Variants in GDAP1 observed in about 807,000 individuals in gnomAD.
GDAP1 encodes the protein ganglioside-induced differentiation-associated protein 1.
Under a neutral mutation model 40.1 loss-of-function variants are expected in GDAP1, and 34 were observed. That is an observed-to-expected ratio of 0.85 (90% CI 0.64 to 1.13). The LOEUF (loss-of-function observed/expected upper bound fraction) is 1.13, where lower values mean the gene tolerates loss of function less well. GDAP1 is among the 50% of genes most tolerant of loss of function. The pLI is 0.00. For synonymous variants in GDAP1, 170 were observed against 157.4 expected (o/e 1.08, Z -0.60); for missense variants, 374 against 433.7 (o/e 0.86, Z 1.22).
At chr8:74,461,038 G>A (rs1211460640) in intron 2 of GDAP1, among the ~76,000 whole-genome samples, 1 of 152,274 alleles carries the variant, frequency 6.6e-6, no homozygotes, top group East Asian at 1.9e-4. Context: ...TCTTCTGCCA[G>A]CACTTGGATG....
chr8:74,454,816 A>C (rs1806316226), intron 2 of GDAP1, among the ~76,000 whole-genome samples: 1 of 151,268 alleles, frequency 6.6e-6, no homozygotes, highest in Admixed American at 6.6e-5. Flanking sequence ...ACTTAGATCA[A>C]ATTAAATTCT....
intron 2 of GDAP1, among the ~76,000 whole-genome samples, chr8:74,413,648 C>G (rs1805742672): frequency 6.7e-6 from 1 of 149,176 alleles, no homozygotes; most frequent in Non-Finnish European, 1.5e-5. Context: ...GCCTAAATCT[C>G]TGAGGGAGGC....
intron 2 of GDAP1, among the ~76,000 whole-genome samples, chr8:74,439,456 A>C (rs146012685): frequency 6.6e-6 from 1 of 152,074 alleles, no homozygotes; most frequent in Non-Finnish European, 1.5e-5. Context: ...ACTCTGTTCC[A>C]TTAGTTCATT....
intron 2 of GDAP1, among the ~76,000 whole-genome samples, chr8:74,392,383 CAAAG>C (rs943883005): frequency 2.6e-5 from 4 of 152,006 alleles, no homozygotes; most frequent in South Asian, 2.1e-4. Flanking sequence ...TTTCAAAAAA[CAAAG>C]AAAACGAGAG....
At chr8:74,393,915 A>G (rs1366910494) in intron 2 of GDAP1, among the ~76,000 whole-genome samples, 2 of 152,076 alleles carry the variant, frequency 1.3e-5, no homozygotes, top group Non-Finnish European at 1.5e-5. Context: ...TGAGACTTCT[A>G]TTTTCCCCTG....
intron 2 of GDAP1, among the ~76,000 whole-genome samples, chr8:74,409,628 T>C (rs867703934): frequency 8.0e-5 from 12 of 150,054 alleles, no homozygotes; most frequent in South Asian, 2.1e-4. Context: ...TCTGCAATTA[T>C]AGGCGTGAGC....
chr8:74,406,595 T>G (rs1404170499), intron 2 of GDAP1, among the ~76,000 whole-genome samples: 1 of 150,258 alleles, frequency 6.7e-6, no homozygotes, highest in Non-Finnish European at 1.5e-5. Context: ...AATTTTAAGG[T>G]CACTTAAGAA....
chr8:74,350,472 G>C lies in GDAP1; in HGVS notation c.11G>C (p.Arg4Thr). The change falls in exon 1 of 6, where the codon AGG becomes ACG. Residue 4 changes from arginine (R) to threonine (T), a missense_variant. By Grantham distance (71) the Arg-to-Thr change is moderately conservative. Transcript: ENST00000220822. Reference protein sequence around the residue: MAERQEEQRGSPPL... With the variant: MAETQEEQRGSPPL... Reference sequence around the variant, plus strand: ...CTCGCGCACCCCAAGATGGCTGAGAGGCAGGAAGAGCAGAGAGGGAGCCCG... The same window carrying C: ...CTCGCGCACCCCAAGATGGCTGAGACGCAGGAAGAGCAGAGAGGGAGCCCG... 3 of 1,609,622 alleles carry C rather than the reference G, an allele frequency of 1.9e-6. No homozygotes were observed. The highest frequency in any genetic ancestry group is 2.5e-6 in the Non-Finnish European group (3 of 1,176,566).
intron 2 of GDAP1, among the ~76,000 whole-genome samples, chr8:74,430,513 T>A (rs1000174168): frequency 2.0e-5 from 3 of 152,088 alleles, no homozygotes; most frequent in Non-Finnish European, 2.9e-5. Flanking sequence ...CAATGTAGAG[T>A]AAAGTGTATA....
At chr8:74,438,744 G>A (rs1012705031) in intron 2 of GDAP1, among the ~76,000 whole-genome samples, 1 of 152,048 alleles carries the variant, frequency 6.6e-6, no homozygotes, top group South Asian at 2.1e-4. Flanking sequence ...GAGACTACAG[G>A]TGCATACCAT....
At chr8:74,457,048 C>T (rs1162663826) in intron 2 of GDAP1, among the ~76,000 whole-genome samples, 1 of 152,092 alleles carries the variant, frequency 6.6e-6, no homozygotes, top group Non-Finnish European at 1.5e-5. Flanking sequence ...CTACAAAAAG[C>T]ACAGTTTGGA....
chr8:74,399,248 A>T (rs973603187), intron 2 of GDAP1, among the ~76,000 whole-genome samples: 2 of 146,380 alleles, frequency 1.4e-5, no homozygotes, highest in South Asian at 4.2e-4. Context: ...GTCTATTCAG[A>T]GATTCAACTT....
chr8:74,350,714 C>T (rs911700314), intron 1 of GDAP1, 136 bp downstream of exon 1: 35 of 733,152 alleles, frequency 4.8e-5, no homozygotes, highest in Non-Finnish European at 8.4e-5. Context: ...CAGGCGCTCC[C>T]TCCAGGCGGG....
chr8:74,362,102 A>T (rs1026131693), intron 4 of GDAP1, 124 bp downstream of exon 4: 1 of 673,974 alleles, frequency 1.5e-6, no homozygotes, highest in Admixed American at 2.4e-5. Flanking sequence ...TACACATGTT[A>T]CCTTTGGCTT....
At position 74,364,865 on chromosome 8, in the gene GDAP1, C is replaced by T. The variant is rs1233214276; in HGVS notation, c.*498C>T. 2.2e-6 allele frequency: 1 copy of T among 454,268 alleles called. No individual in the cohort carries two copies. The highest frequency in any genetic ancestry group is 4.4e-6 in the Non-Finnish European group (1 of 226,918). The allele number at this position is 454,268 out of a possible 1,614,324, so 28.1% of individuals were successfully genotyped here. On this transcript the variant is annotated 3_prime_UTR_variant, in exon 6 of 6. Transcript: ENST00000220822. ...AAATGCTTATGAATCACACACATTG[C>T]TTTAGTAAGATTAAGTGCTTATATA...
At chr8:74,394,178 AG>A in intron 2 of GDAP1, among the ~76,000 whole-genome samples, 1 of 152,164 alleles carries the variant, frequency 6.6e-6, no homozygotes, top group Non-Finnish European at 1.5e-5. Flanking sequence ...GCAAAGAGAG[AG>A]AGCTTGTGCA....
At chr8:74,488,341 G>C (rs1383840360) in intron 2 of GDAP1, among the ~76,000 whole-genome samples, 1 of 152,110 alleles carries the variant, frequency 6.6e-6, no homozygotes, top group Non-Finnish European at 1.5e-5. Context: ...TCAAGCTCTT[G>C]AGGGATGAAA....
intron 2 of GDAP1, among the ~76,000 whole-genome samples, chr8:74,462,007 C>T (rs1036336712): frequency 6.6e-6 from 1 of 152,154 alleles, no homozygotes; most frequent in South Asian, 2.1e-4. Context: ...ATCACTGAGT[C>T]TTAGAATAAA....
intron 2 of GDAP1, among the ~76,000 whole-genome samples, chr8:74,422,290 TTTC>T (rs1339064310): frequency 0.049 from 1,050 of 21,418 alleles, 14 homozygotes; most frequent in African/African-American, 0.16. Context: ...TTTTCTTTTC[TTTC>T]TTTCTTTCTT....
Sources: gnomAD v4.1 joint callset for allele counts (sites outside exome capture counted in the v4.1 genomes callset) on GRCh38, gnomAD v4.1.1 for gene constraint, MANE v1.5 for transcripts, NCBI Gene and HGNC (gene_info 2026-07-23, HGNC 2026-07-21) for gene names.